Variants in KDM6A observed in about 807,000 individuals in gnomAD.
The protein encoded by KDM6A is lysine-specific demethylase 6A.
Under a neutral mutation model 117.6 loss-of-function variants are expected in KDM6A, and 11 were observed. That is an observed-to-expected ratio of 0.09 (90% confidence interval 0.06 to 0.15). The LOEUF (loss-of-function observed/expected upper bound fraction) is 0.15. Ranked by LOEUF, KDM6A falls within the 10% of genes least tolerant of loss-of-function variation. The probability of loss-of-function intolerance (pLI) is 1.00; values close to 1 mark genes in which losing one functional copy is unlikely to be tolerated. For missense variants in KDM6A, 799 were observed against 1,077.3 expected, an observed-to-expected ratio of 0.74 and a Z score of 3.62; for synonymous variants, 384 against 396.1, an observed-to-expected ratio of 0.97 and a Z score of 0.36.
intron 6 of KDM6A, among the ~76,000 whole-genome samples, chrX:45,027,140 C>G (rs772385985): frequency 3.8e-5 from 4 of 105,350 alleles, no homozygotes; most frequent in South Asian, 9.2e-4. Flanking sequence ...GAGAGAGAGA[C>G]ACACACACAC....
intron 21 of KDM6A, among the ~76,000 whole-genome samples, chrX:45,081,924 G>A (rs1404579310): frequency 1.8e-5 from 2 of 109,320 alleles, no homozygotes; most frequent in Non-Finnish European, 3.8e-5. Flanking sequence ...GACCACAGGC[G>A]CCTGCCCCCA....
At chrX:44,885,079 T>G (rs7879934) in intron 2 of KDM6A, among the ~76,000 whole-genome samples, 23,468 of 106,592 alleles carry the variant, frequency 0.22, 4,675 homozygotes, top group African/African-American at 0.63. Flanking sequence ...TTGTTACCCA[T>G]GCTGAGTGCA....
chrX:45,088,655 T>A (rs1602980125), intron 25 of KDM6A, among the ~76,000 whole-genome samples: 1 of 113,529 alleles, frequency 8.8e-6, no homozygotes, highest in African/African-American at 3.2e-5. Context: ...ATTTCTTAGA[T>A]CTTAAGGAAA....
intron 5 of KDM6A, among the ~76,000 whole-genome samples, chrX:45,013,110 A>T (rs771550797): frequency 9.0e-6 from 1 of 111,224 alleles, no homozygotes. Flanking sequence ...TTTCCCCCTT[A>T]ATTTTGTAGA....
At chrX:45,045,028 T>C (rs1018325502) in intron 8 of KDM6A, among the ~76,000 whole-genome samples, 2 of 111,663 alleles carry the variant, frequency 1.8e-5, no homozygotes, top group Admixed American at 9.5e-5. Flanking sequence ...AAATTCCAGC[T>C]GATACATAAG....
intron 17 of KDM6A, among the ~76,000 whole-genome samples, chrX:45,067,716 G>A (rs1462342787): frequency 2.0e-5 from 2 of 100,686 alleles, no homozygotes; most frequent in Non-Finnish European, 4.0e-5. Context: ...GCAGTGGTGC[G>A]ATCTTGGCTC....
chrX:45,072,789 C>T (rs2044912899), intron 18 of KDM6A, among the ~76,000 whole-genome samples: 1 of 108,965 alleles, frequency 9.2e-6, no homozygotes, highest in Non-Finnish European at 1.9e-5. Context: ...TTCTGTTCCC[C>T]AAGTTACAAA....
intron 2 of KDM6A, among the ~76,000 whole-genome samples, chrX:44,910,543 G>C (rs865827915): frequency 8.1e-5 from 8 of 98,494 alleles, no homozygotes; most frequent in African/African-American, 2.7e-4. Flanking sequence ...GGTGTTTCTC[G>C]CAGAGGGGGA....
intron 2 of KDM6A, among the ~76,000 whole-genome samples, chrX:44,885,546 CAGAGA>C (rs1179484205): frequency 9.1e-6 from 1 of 109,548 alleles, no homozygotes; most frequent in Non-Finnish European, 1.9e-5. Flanking sequence ...TGGAACAATA[CAGAGA>C]AGAGTAGTAT....
At chrX:45,003,711 CTT>C (rs1345585531) in intron 4 of KDM6A, among the ~76,000 whole-genome samples, 2 of 109,882 alleles carry the variant, frequency 1.8e-5, no homozygotes, top group African/African-American at 6.7e-5. Flanking sequence ...CTCTCTCTCT[CTT>C]TCTTTCTCTC....
At chrX:45,080,718 C>T (rs1431209739) in intron 21 of KDM6A, among the ~76,000 whole-genome samples, 1 of 112,201 alleles carries the variant, frequency 8.9e-6, no homozygotes, top group Non-Finnish European at 1.9e-5. Context: ...TGTGACTTTA[C>T]TGAGTTGCAG....
Position 45,051,771 on chromosome X carries a change from A to G in KDM6A, c.717A>G (p.Ala239=), listed in dbSNP as rs1460024277. ...TTTTGCAGACAGAGAATCTTTCTGC[A>G]CAAGTAAAAGCAACTGTCTTACAAC... ...EQLLQTENLS[A]QVKATVLQQL... is the part of the protein sequence containing the mutation. The change falls in exon 9 of 30, where the codon GCA becomes GCG. Residue 239 remains alanine, a synonymous_variant. Transcript: ENST00000611820. 8.5e-7 allele frequency: 1 copy of G among 1,179,257 alleles called. No homozygotes were observed. Among genetic ancestry groups the G allele is most frequent in the East Asian group, 3.0e-5 (1 of 33,618 alleles).
At chrX:45,046,378 T>G (rs748701607) in intron 8 of KDM6A, among the ~76,000 whole-genome samples, 3 of 111,933 alleles carry the variant, frequency 2.7e-5, no homozygotes, top group African/African-American at 9.7e-5. Flanking sequence ...TTCACTAGAA[T>G]CAGGAGCAAG....
chrX:45,070,405 A>T, intron 18 of KDM6A, 48 bp downstream of exon 18: 1 of 1,101,871 alleles, frequency 9.1e-7, no homozygotes. Context: ...ACTTACTGGC[A>T]TGATCAGAAT....
chrX:45,073,514 C>T (rs1040841832), intron 18 of KDM6A, among the ~76,000 whole-genome samples: 19 of 111,756 alleles, frequency 1.7e-4, no homozygotes, highest in Non-Finnish European at 3.4e-4. Context: ...TCCTATTTCT[C>T]CACATCCTCT....
intron 2 of KDM6A, among the ~76,000 whole-genome samples, chrX:44,943,076 G>C (rs2037427305): frequency 9.0e-6 from 1 of 111,023 alleles, no homozygotes; most frequent in African/African-American, 3.3e-5. Flanking sequence ...ACAGCACATT[G>C]TTACTATTTT....
intron 5 of KDM6A, among the ~76,000 whole-genome samples, chrX:45,018,428 T>C (rs2042050487): frequency 9.0e-6 from 1 of 111,488 alleles, no homozygotes; most frequent in African/African-American, 3.3e-5. Flanking sequence ...AGATTAACAG[T>C]GTGTTTTTTT....
intron 4 of KDM6A, among the ~76,000 whole-genome samples, chrX:44,991,877 A>G (rs1232648050): frequency 9.1e-6 from 1 of 109,726 alleles, no homozygotes; most frequent in East Asian, 2.8e-4. Context: ...TTTTTAGTAG[A>G]GACGGGGTTT....
At chrX:45,000,776 C>A in intron 4 of KDM6A, among the ~76,000 whole-genome samples, 1 of 112,542 alleles carries the variant, frequency 8.9e-6, no homozygotes, top group African/African-American at 3.2e-5. Context: ...GGGTGCCGGA[C>A]TTCGGGATAT....
Sources: gnomAD v4.1 joint callset for allele counts (sites outside exome capture counted in the v4.1 genomes callset) on GRCh38, gnomAD v4.1.1 for gene constraint, MANE v1.5 for transcripts, NCBI Gene and HGNC (gene_info 2026-07-23, HGNC 2026-07-21) for gene names.